Variants in RXFP1 observed in about 807,000 individuals in gnomAD.
The protein encoded by RXFP1 is relaxin family peptide receptor 1.
RXFP1 carries 73 observed loss-of-function variants against 89.8 expected under a neutral mutation model. That is an observed-to-expected ratio of 0.81 (90% CI 0.67 to 0.99). The LOEUF (loss-of-function observed/expected upper bound fraction) is 0.99, where lower values mean the gene tolerates loss of function less well. RXFP1 is among the 50% of genes least tolerant of loss of function. RXFP1 has a pLI of 0.00. For missense variants in RXFP1, 793 were observed against 895.5 expected, an observed-to-expected ratio of 0.89 and a Z score of 1.46; for synonymous variants, 277 against 305.5, an observed-to-expected ratio of 0.91 and a Z score of 0.97.
At position 158,628,681 on chromosome 4, in the gene RXFP1, T is replaced by C. The variant is rs1438607425; in HGVS notation, c.871T>C (p.Phe291Leu). The change falls in exon 11 of 18, where the codon TTT (phenylalanine) becomes CTT (leucine). Residue 291 changes from phenylalanine (F) to leucine (L), a missense_variant. Coordinates refer to ENST00000307765, the MANE Select transcript of RXFP1 (RefSeq NM_021634.4). The part of the protein sequence containing the change: ...NKINHLNENT[F>L]APLQKLDELD... ...AATTAATCACTTAAATGAAAATACT[T>C]TTGCACCTCTCCAGAAACTGGATGA... 36 of 1,579,308 alleles carry C rather than the reference T, an allele frequency of 2.3e-5. No homozygotes were observed. The highest frequency in any genetic ancestry group is 3.0e-5 in the Non-Finnish European group (35 of 1,151,434).
chr4:158,629,013 C>T (rs555896495), intron 11 of RXFP1, among the ~76,000 whole-genome samples: 9 of 149,058 alleles, frequency 6.0e-5, no homozygotes, highest in South Asian at 2.1e-4. Context: ...TAAAGAAGGA[C>T]GGTAAATTTA....
chr4:158,618,765 AGG>A (rs1324039861), intron 9 of RXFP1, among the ~76,000 whole-genome samples: 3 of 152,124 alleles, frequency 2.0e-5, no homozygotes, highest in Admixed American at 2.0e-4. Context: ...TATGCTTCTA[AGG>A]TATTTGCAGG....
chr4:158,581,313 A>G (rs1357147700), intron 2 of RXFP1, among the ~76,000 whole-genome samples: 1 of 152,244 alleles, frequency 6.6e-6, no homozygotes, highest in East Asian at 1.9e-4. Context: ...ATGGAAGTAC[A>G]GAGAGGTTAC....
chr4:158,599,453 C>T (rs1178343475), intron 4 of RXFP1, 22 bp downstream of exon 4: 2 of 1,593,400 alleles, frequency 1.3e-6, no homozygotes, highest in Admixed American at 3.3e-5. Context: ...AGAATTACTT[C>T]ATCCTGACAG....
intron 6 of RXFP1, among the ~76,000 whole-genome samples, chr4:158,611,669 C>T (rs974902722): frequency 6.6e-6 from 1 of 152,218 alleles, no homozygotes; most frequent in Non-Finnish European, 1.5e-5. Flanking sequence ...TTTAGTAAAG[C>T]CTTCTCCTGG....
At chr4:158,528,288 C>T (rs1188738466) in intron 1 of RXFP1, among the ~76,000 whole-genome samples, 2 of 152,074 alleles carry the variant, frequency 1.3e-5, no homozygotes, top group East Asian at 3.9e-4. Flanking sequence ...TTGCTTGAGC[C>T]TAGGAGTTCA....
intron 12 of RXFP1, among the ~76,000 whole-genome samples, chr4:158,635,242 C>T (rs1483620899): frequency 6.6e-6 from 1 of 152,050 alleles, no homozygotes; most frequent in South Asian, 2.1e-4. Flanking sequence ...TCTTTCACCT[C>T]CTTGGTTAAG....
intron 1 of RXFP1, among the ~76,000 whole-genome samples, chr4:158,543,055 C>G (rs1468421097): frequency 6.6e-6 from 1 of 152,070 alleles, no homozygotes; most frequent in Non-Finnish European, 1.5e-5. Flanking sequence ...AACAAACCCC[C>G]ATGACATGAG....
chr4:158,651,709 C>G, intron 17 of RXFP1, 48 bp from the exon 18 acceptor site: 1 of 1,461,298 alleles, frequency 6.8e-7, no homozygotes. Context: ...GTTTCTATAC[C>G]TTGTAAACAT....
chr4:158,639,384 T>C (rs1161429792), intron 14 of RXFP1, 53 bp downstream of exon 14: 1 of 1,031,732 alleles, frequency 9.7e-7, no homozygotes, highest in African/African-American at 1.6e-5. Context: ...TGTTTCCATG[T>C]GTATTATGAT....
At chr4:158,569,143 G>GAACT (rs1754490024) in intron 1 of RXFP1, among the ~76,000 whole-genome samples, 2 of 152,174 alleles carry the variant, frequency 1.3e-5, no homozygotes, top group South Asian at 4.1e-4. Flanking sequence ...CCAAAACTTA[G>GAACT]AAGCAACCAA....
chr4:158,561,871 G>A (rs1162263061), intron 1 of RXFP1, among the ~76,000 whole-genome samples: 1 of 151,956 alleles, frequency 6.6e-6, no homozygotes, highest in African/African-American at 2.4e-5. Context: ...CAAGTGATCT[G>A]CCCACATCGG....
intron 5 of RXFP1, among the ~76,000 whole-genome samples, chr4:158,606,259 A>G (rs1345986674): frequency 6.6e-6 from 1 of 152,242 alleles, no homozygotes; most frequent in Non-Finnish European, 1.5e-5. Flanking sequence ...ATCAAAATTC[A>G]GGTTTATATA....
intron 9 of RXFP1, among the ~76,000 whole-genome samples, chr4:158,622,366 T>C (rs1252714965): frequency 6.6e-6 from 1 of 152,188 alleles, no homozygotes; most frequent in Admixed American, 6.5e-5. Context: ...GTCCCACTTC[T>C]GGGTATATAT....
chr4:158,623,903 A>T (rs149774742), intron 9 of RXFP1, among the ~76,000 whole-genome samples: 2 of 152,304 alleles, frequency 1.3e-5, no homozygotes, highest in East Asian at 3.9e-4. Flanking sequence ...GCATGTGATC[A>T]GTGAATATGA....
chr4:158,632,455 T>C (rs1217538054), intron 11 of RXFP1, among the ~76,000 whole-genome samples: 2 of 152,152 alleles, frequency 1.3e-5, no homozygotes, highest in South Asian at 2.1e-4. Flanking sequence ...GGTTAGACTT[T>C]CCCTTAGTAT....
At chr4:158,529,171 A>G (rs895299590) in intron 1 of RXFP1, among the ~76,000 whole-genome samples, 3 of 152,192 alleles carry the variant, frequency 2.0e-5, no homozygotes, top group African/African-American at 7.2e-5. Context: ...CTGATATGGT[A>G]AAACATAAAT....
intron 6 of RXFP1, among the ~76,000 whole-genome samples, chr4:158,608,279 CTTTTTT>C (rs756131500): frequency 1.7e-4 from 13 of 76,102 alleles, no homozygotes; most frequent in African/African-American, 8.5e-4. Flanking sequence ...GTATTCCTTT[CTTTTTT>C]TTTTTTTTTT....
chr4:158,648,629 T>A lies in RXFP1; in HGVS notation c.1887T>A (p.Arg629=). 6.2e-7 allele frequency: 1 copy of A among 1,613,220 alleles called. No homozygotes were observed. The highest frequency in any genetic ancestry group is 8.5e-7 in the Non-Finnish European group (1 of 1,179,568). Residue 629 remains arginine, a synonymous_variant, in exon 17 of 18, where the codon CGT becomes CGA. Coordinates refer to ENST00000307765, the MANE Select transcript of RXFP1 (RefSeq NM_021634.4). The part of the protein sequence containing the change: ...QVKKEMILAK[R]FFFIVFTDAL... ...AAAAAGAGATGATCCTTGCCAAACG[T>A]TTTTTCTTTATAGTATTTACTGATG...
Sources: allele counts gnomAD v4.1 joint callset (sites outside exome capture counted in the v4.1 genomes callset), GRCh38; gene constraint gnomAD v4.1.1; transcripts MANE v1.5; gene names NCBI Gene and HGNC (gene_info 2026-07-23, HGNC 2026-07-21).